ATP10B: variants seen among roughly 807,000 people sequenced by gnomAD.
The protein encoded by ATP10B is ATPase phospholipid transporting 10B (putative), also known as phospholipid-transporting ATPase VB.
A neutral mutation model predicts 141.2 loss-of-function variants in ATP10B; 122 were observed. The ratio of observed to expected loss-of-function variants is 0.86; its 90% CI spans 0.75 to 1.00. The LOEUF is 1.00. ATP10B is among the 50% of genes least tolerant of loss of function. ATP10B has a pLI of 0.00. For synonymous variants in ATP10B, 685 were observed against 692.0 expected (o/e 0.99, Z 0.16); for missense variants, 1,876 against 1,825.3 (o/e 1.03, Z -0.51).
chr5:160,750,088 A>G (rs924980345), intron 2 of ATP10B, among the ~76,000 whole-genome samples: 6 of 152,204 alleles, frequency 3.9e-5, no homozygotes, highest in Non-Finnish European at 8.8e-5. Flanking sequence ...TTGATTAAAG[A>G]TGGAGAATAA....
At chr5:160,601,688 C>T (rs1289927128) in intron 21 of ATP10B, among the ~76,000 whole-genome samples, 21 of 152,158 alleles carry the variant, frequency 1.4e-4, no homozygotes. Context: ...CCTCTTGACA[C>T]AGAATTATAG....
At chr5:160,921,734 C>T in the ATP10B span, among the ~76,000 whole-genome samples, 2 of 152,188 alleles carry the variant, frequency 1.3e-5, no homozygotes, top group African/African-American at 4.8e-5. Context: ...GGCTGTGCCA[C>T]AAGATGTGAA....
chr5:160,576,177 C>T (rs1755177102), intron 24 of ATP10B, among the ~76,000 whole-genome samples: 1 of 152,178 alleles, frequency 6.6e-6, no homozygotes, highest in South Asian at 2.1e-4. Flanking sequence ...ATGTCTCCAT[C>T]TCCAAAACCA....
At chr5:160,814,543 C>A (rs912172514) in intron 1 of ATP10B, among the ~76,000 whole-genome samples, 2 of 146,872 alleles carry the variant, frequency 1.4e-5, no homozygotes, top group Non-Finnish European at 3.0e-5. Flanking sequence ...AGAACGGACC[C>A]AAGTAGGAAA....
At chr5:160,682,626 C>T (rs988793015) in intron 6 of ATP10B, among the ~76,000 whole-genome samples, 2 of 152,136 alleles carry the variant, frequency 1.3e-5, no homozygotes, top group Non-Finnish European at 2.9e-5. Flanking sequence ...CTGCAGCCCA[C>T]GTGCATTCCT....
chr5:160,616,959 A>G (rs971601849), intron 16 of ATP10B, among the ~76,000 whole-genome samples: 1 of 152,186 alleles, frequency 6.6e-6, no homozygotes, highest in Non-Finnish European at 1.5e-5. Flanking sequence ...GCTGATTAGC[A>G]CCATTTTACA....
chr5:160,837,765 C>T (rs889277884), intron 1 of ATP10B, among the ~76,000 whole-genome samples: 1 of 151,960 alleles, frequency 6.6e-6, no homozygotes, highest in Non-Finnish European at 1.5e-5. Flanking sequence ...CTGCTTTAGC[C>T]CTGGAGACCA....
At position 160,598,129 on chromosome 5, in the gene ATP10B, A is replaced by G. The variant is rs549353788; in HGVS notation, c.3564+641T>C. Among the ~76,000 whole-genome samples the G allele has an allele frequency of 2.0e-3, 295 of 150,454 alleles. 1 individual carries two copies. Among genetic ancestry groups the G allele is most frequent in the African/African-American group, 6.9e-3 (283 of 40,960 alleles). ...ACTACTCACAATAGCAAAGACTTGG[A>G]ACCAACCCAAATGTCCAACAATGAT... On this transcript the variant is annotated intron_variant, in intron 22 of 25. Transcript: ENST00000327245.
chr5:160,634,412 G>T lies in ATP10B; in HGVS notation c.1323C>A (p.Asn441Lys), dbSNP rs1479068883. 6.2e-7 allele frequency: 1 copy of T among 1,614,196 alleles called. No homozygotes were observed. The highest frequency in any genetic ancestry group is 8.5e-7 in the Non-Finnish European group (1 of 1,180,032). ...TGGTGCAACGTCGGAACACCATCTT[G>T]TTCTCTGTCAGGGTCCCCGTCTTAT... The part of the protein sequence containing the change: ...FSDKTGTLTE[N>K]KMVFRRCTIM... The change falls in exon 12 of 26, where the codon AAC becomes AAA. Residue 441 changes from asparagine to lysine, a missense_variant. Physicochemically the swap from Asn to Lys is moderately conservative, Grantham distance 94 (BLOSUM62 0). Transcript: ENST00000327245.
At chr5:160,841,837 G>T (rs1775827576) in intron 1 of ATP10B, among the ~76,000 whole-genome samples, 1 of 152,140 alleles carries the variant, frequency 6.6e-6, no homozygotes, top group South Asian at 2.1e-4. Flanking sequence ...CGATTCTACT[G>T]CCTCAGCCTC....
chr5:160,760,742 C>A (rs770477096), intron 2 of ATP10B, among the ~76,000 whole-genome samples: 3 of 152,112 alleles, frequency 2.0e-5, no homozygotes, highest in Non-Finnish European at 4.4e-5. Flanking sequence ...CCTGTCACTG[C>A]CGGCTTTCCC....
intron 7 of ATP10B, among the ~76,000 whole-genome samples, chr5:160,665,332 T>C (rs1004811931): frequency 2.0e-5 from 3 of 152,240 alleles, no homozygotes; most frequent in Non-Finnish European, 4.4e-5. Flanking sequence ...GCTTAAGCCA[T>C]GAGGATTGTC....
intron 7 of ATP10B, among the ~76,000 whole-genome samples, chr5:160,660,703 T>C (rs956385475): frequency 6.6e-6 from 1 of 152,230 alleles, no homozygotes; most frequent in Non-Finnish European, 1.5e-5. Flanking sequence ...TGAAAAAAGA[T>C]AGATGTTTGT....
At chr5:160,829,873 A>C (rs1045634686) in intron 1 of ATP10B, among the ~76,000 whole-genome samples, 10 of 152,098 alleles carry the variant, frequency 6.6e-5, no homozygotes, top group Non-Finnish European at 1.5e-4. Context: ...AGGGTTTTCT[A>C]AGTATAGAAT....
intron 17 of ATP10B, among the ~76,000 whole-genome samples, chr5:160,615,614 T>C (rs1333932727): frequency 1.3e-5 from 2 of 151,946 alleles, no homozygotes; most frequent in Non-Finnish European, 2.9e-5. Flanking sequence ...CAGAGGCTTC[T>C]TCCAGCAGGG....
chr5:160,906,821 C>T, the ATP10B span, among the ~76,000 whole-genome samples: 1 of 152,172 alleles, frequency 6.6e-6, no homozygotes, highest in Non-Finnish European at 1.5e-5. Flanking sequence ...AGCCAATGTG[C>T]TAAGGGTGGC....
At chr5:160,752,566 C>T (rs1056208254) in intron 2 of ATP10B, among the ~76,000 whole-genome samples, 1 of 152,096 alleles carries the variant, frequency 6.6e-6, no homozygotes, top group Non-Finnish European at 1.5e-5. Flanking sequence ...TTGAAAATTT[C>T]GTTCTTTTTT....
intron 3 of ATP10B, among the ~76,000 whole-genome samples, chr5:160,698,227 T>C (rs1315485479): frequency 1.3e-5 from 2 of 152,176 alleles, no homozygotes; most frequent in African/African-American, 2.4e-5. Flanking sequence ...GTGAATAGCA[T>C]CTCTGTTTAC....
Position 160,730,461 on chromosome 5 carries a change from C to T in ATP10B, c.-330-13427G>A, listed in dbSNP as rs58916188. Among the ~76,000 whole-genome samples, 336 of 152,116 alleles carry T rather than the reference C, an allele frequency of 2.2e-3. 2 individuals carry two copies. The highest frequency in any genetic ancestry group is 7.7e-3 in the African/African-American group (318 of 41,488). On this transcript the variant is annotated intron_variant, in intron 2 of 25. Transcript: ENST00000327245. ...ATTGGCCTCCTAATGTGCTTCCCCCCGACCCCACCTGATGGGAGTTGTTAA... is the reference window on the plus strand; with the variant it reads ...ATTGGCCTCCTAATGTGCTTCCCCCTGACCCCACCTGATGGGAGTTGTTAA...
Sources: allele counts gnomAD v4.1 joint callset (sites outside exome capture counted in the v4.1 genomes callset), GRCh38; gene constraint gnomAD v4.1.1; transcripts MANE v1.5; gene names NCBI Gene and HGNC (gene_info 2026-07-23, HGNC 2026-07-21).